The following BFAR variants were observed in gnomAD, a reference collection of about 807,000 sequenced individuals.
BFAR encodes the protein bifunctional apoptosis regulator.
BFAR carries 52 observed loss-of-function variants against 54.4 expected under a neutral mutation model. The ratio of observed to expected loss-of-function variants is 0.96; its 90% CI spans 0.77 to 1.21. The LOEUF is 1.21. BFAR is among the 50% of genes most tolerant of loss of function. The pLI, the probability that BFAR is intolerant of heterozygous loss-of-function variation, is 0.00. For missense variants in BFAR, 571 were observed against 534.0 expected, an observed-to-expected ratio of 1.07 and a Z score of -0.68; for synonymous variants, 215 against 204.3, an observed-to-expected ratio of 1.05 and a Z score of -0.45.
chr16:14,660,292 T>C (rs1029242132), intron 5 of BFAR, among the ~76,000 whole-genome samples: 6 of 152,168 alleles, frequency 3.9e-5, no homozygotes, highest in Non-Finnish European at 7.3e-5. Context: ...AAATTGAATC[T>C]TTTTTCTTTT....
chr16:14,644,311 T>C lies in BFAR; in HGVS notation c.-36T>C. 2 of 1,584,156 alleles carry C rather than the reference T, an allele frequency of 1.3e-6. No homozygotes were observed. The highest frequency in any genetic ancestry group is 1.7e-6 in the Non-Finnish European group (2 of 1,162,802). ...TTGCAGCAGTTTTCTACGTCTGAAA[T>C]TTTTTATGTCTCTGGAACCCAGAAT... is the stretch of plus-strand genomic sequence containing the variant. On this transcript the variant is annotated 5_prime_UTR_variant, in exon 2 of 8. Coordinates refer to ENST00000261658, the MANE Select transcript of BFAR (RefSeq NM_016561.3).
In BFAR at chr16:14,668,547, C is replaced by G. The variant is rs1001429632; in HGVS notation, c.*720C>G. On this transcript the variant is annotated 3_prime_UTR_variant, in exon 8 of 8. Transcript: ENST00000261658. ...GGCAGTTCCCATTAGATTTAGTGGC[C>G]TTCATGTTATTCAGAATTGTTTTGG... 1 of 152,442 alleles carries G rather than the reference C, an allele frequency of 6.6e-6. No individual in the cohort carries two copies. Among genetic ancestry groups the G allele is most frequent in the Non-Finnish European group, 1.5e-5 (1 of 68,328 alleles). 9.4% of individuals were successfully genotyped at this position (152,442 alleles called of 1,614,324 possible). A position where few individuals can be genotyped will look rare whatever the true frequency, so the allele number is the denominator to read the frequency against.
At chr16:14,666,128 C>T (rs559877517) in intron 7 of BFAR, among the ~76,000 whole-genome samples, 1 of 152,322 alleles carries the variant, frequency 6.6e-6, no homozygotes, top group South Asian at 2.1e-4. Flanking sequence ...GCACTTCCTT[C>T]CCTGTGGCAC....
chr16:14,655,907 G>T (rs1456814273), intron 5 of BFAR, among the ~76,000 whole-genome samples: 1 of 152,096 alleles, frequency 6.6e-6, no homozygotes, highest in East Asian at 1.9e-4. Flanking sequence ...GCACAGCACG[G>T]TGGTCAAGAG....
chr16:14,637,672 C>T (rs1467125326), intron 1 of BFAR, among the ~76,000 whole-genome samples: 3 of 151,982 alleles, frequency 2.0e-5, no homozygotes, highest in East Asian at 1.9e-4. Flanking sequence ...CCCATCTCTA[C>T]GAAAAATTTA....
chr16:14,652,399 G>GT (rs1959996326), intron 4 of BFAR, among the ~76,000 whole-genome samples: 3 of 151,612 alleles, frequency 2.0e-5, no homozygotes, highest in African/African-American at 7.3e-5. Flanking sequence ...TCCTGCCTCA[G>GT]CTTCCCGAGT....
At position 14,644,253 on chromosome 16, in the gene BFAR, GTC is replaced by G. The variant is rs989109828; in HGVS notation, c.-73-17_-73-16del. On this transcript the variant is annotated intron_variant, in intron 1 of 7. Coordinates refer to ENST00000261658, the MANE Select transcript of BFAR (RefSeq NM_016561.3). ...AACAACTACTATTTGCCTTATTTTT[GTC>G]TCTGTTTTTTTTTTCTAGATTAATG... is the stretch of plus-strand genomic sequence containing the variant. The G allele has an allele frequency of 3.3e-5, 43 of 1,293,354 alleles. No homozygotes were observed. The African/African-American group carries it at 5.8e-4, about 17-fold the overall frequency. The allele number at this position is 1,293,354 out of a possible 1,614,324, so 80.1% of individuals were successfully genotyped here.
chr16:14,653,713 C>A (rs564686257), intron 4 of BFAR, among the ~76,000 whole-genome samples: 22 of 152,254 alleles, frequency 1.4e-4, no homozygotes, highest in Admixed American at 1.2e-3. Flanking sequence ...AACAACTACT[C>A]TTTTTTCTTC....
At chr16:14,642,288 C>G (rs995118777) in intron 1 of BFAR, among the ~76,000 whole-genome samples, 1 of 152,312 alleles carries the variant, frequency 6.6e-6, no homozygotes, top group African/African-American at 2.4e-5. Context: ...TTCACTGTCT[C>G]TAATCCTCAC....
chr16:14,668,026 G>A lies in BFAR; in HGVS notation c.*199G>A. On this transcript the variant is annotated 3_prime_UTR_variant, in exon 8 of 8. Transcript: ENST00000261658. ...CGAGCAAGGACTGACATCCGCACAG[G>A]GAGGATTGTCTGTTTGGCTGACACA... 3 of 587,966 alleles carry A rather than the reference G, an allele frequency of 5.1e-6. No individual in the cohort carries two copies. Among genetic ancestry groups the A allele is most frequent in the Non-Finnish European group, 8.9e-6 (3 of 337,314 alleles). The allele number at this position is 587,966 out of a possible 1,614,324, so 36.4% of individuals were successfully genotyped here. A position where few individuals can be genotyped will look rare whatever the true frequency, so the allele number is the denominator to read the frequency against.
intron 1 of BFAR, among the ~76,000 whole-genome samples, chr16:14,639,375 T>C (rs1959552400): frequency 6.6e-6 from 1 of 152,114 alleles, no homozygotes; most frequent in African/African-American, 2.4e-5. Flanking sequence ...TGGTGCAATC[T>C]TGTATCACTG....
At chr16:14,648,039 A>G (rs551801845) in intron 2 of BFAR, among the ~76,000 whole-genome samples, 16 of 152,256 alleles carry the variant, frequency 1.1e-4, no homozygotes, top group African/African-American at 3.4e-4. Context: ...CAGGAGTTCA[A>G]TACCAGCCTG....
intron 7 of BFAR, among the ~76,000 whole-genome samples, chr16:14,667,154 T>C (rs996199810): frequency 6.6e-6 from 1 of 151,716 alleles, no homozygotes; most frequent in African/African-American, 2.4e-5. Context: ...CTGGGTAACA[T>C]AGCGAGACCT....
Position 14,655,218 on chromosome 16 carries a change from C to G in BFAR, c.783+8C>G. On this transcript the variant is annotated splice_region_variant and intron_variant, in intron 5 of 7. Transcript: ENST00000261658. ...AATCTCTGGGAATATAAGGTGAACA[C>G]TTTAATTTTTTTTTTTTTTTTTTAC... The G allele has an allele frequency of 7.6e-7, 1 of 1,323,450 alleles. No homozygotes were observed. The highest frequency in any genetic ancestry group is 1.6e-5 in the African/African-American group (1 of 63,032). The allele number at this position is 1,323,450 out of a possible 1,614,324, so 82.0% of individuals were successfully genotyped here. A position where few individuals can be genotyped will look rare whatever the true frequency, so the allele number is the denominator to read the frequency against.
intron 1 of BFAR, among the ~76,000 whole-genome samples, chr16:14,641,562 A>AC (rs1222598212): frequency 6.6e-6 from 1 of 150,834 alleles, no homozygotes; most frequent in East Asian, 1.9e-4. Flanking sequence ...AAAAAAAAAA[A>AC]AAAAAGTATA....
At chr16:14,640,631 G>A (rs1359311800) in intron 1 of BFAR, among the ~76,000 whole-genome samples, 1 of 152,180 alleles carries the variant, frequency 6.6e-6, no homozygotes, top group Non-Finnish European at 1.5e-5. Context: ...GCTACTGGTG[G>A]TGAGACTGTT....
intron 3 of BFAR, 110 bp downstream of exon 3, chr16:14,648,702 T>A: frequency 1.3e-6 from 1 of 793,694 alleles, no homozygotes; most frequent in Middle Eastern, 3.5e-4. Context: ...ATGATGTGAC[T>A]CCATGTAATT....
chr16:14,638,436 A>G (rs951035157), intron 1 of BFAR, among the ~76,000 whole-genome samples: 1 of 152,246 alleles, frequency 6.6e-6, no homozygotes, highest in African/African-American at 2.4e-5. Context: ...CTTCCAATAA[A>G]GTAGCCCTTA....
At chr16:14,665,125 G>T in intron 7 of BFAR, 54 bp downstream of exon 7, 1 of 1,468,822 alleles carries the variant, frequency 6.8e-7, no homozygotes, top group Non-Finnish European at 9.5e-7. Flanking sequence ...AATACCAAGT[G>T]AGAGAAAGAT....
Sources: allele counts gnomAD v4.1 joint callset (sites outside exome capture counted in the v4.1 genomes callset), GRCh38; gene constraint gnomAD v4.1.1; transcripts MANE v1.5; gene names NCBI Gene and HGNC (gene_info 2026-07-23, HGNC 2026-07-21).